The following PPP2R2B variants were observed in gnomAD, a reference collection of about 807,000 sequenced individuals.
The protein encoded by PPP2R2B is protein phosphatase 2 regulatory subunit Bbeta.
Under a neutral mutation model 46.0 loss-of-function variants are expected in PPP2R2B, and 5 were observed. The ratio of observed to expected loss-of-function variants is 0.11; its 90% CI spans 0.06 to 0.23. PPP2R2B has a LOEUF of 0.23. Among genes scored for constraint, PPP2R2B ranks in the 10% least tolerant of loss-of-function variants. The pLI, the probability that PPP2R2B is intolerant of heterozygous loss-of-function variation, is 1.00. For synonymous variants in PPP2R2B, 215 were observed against 206.7 expected (o/e 1.04, Z -0.34); for missense variants, 367 against 575.0 (o/e 0.64, Z 3.70).
upstream of PPP2R2B, chr5:147,056,039 G>T: frequency 1.7e-6 from 2 of 1,192,412 alleles, no homozygotes; most frequent in Non-Finnish European, 1.0e-6. Flanking sequence ...GAGTAAGTCA[G>T]TCCTGCCTGT....
chr5:147,028,583 A>AT (rs909781564), intron 1 of PPP2R2B, among the ~76,000 whole-genome samples: 1 of 152,124 alleles, frequency 6.6e-6, no homozygotes, highest in Admixed American at 6.5e-5. Flanking sequence ...TGGTCATTCT[A>AT]TTTTTTATGG....
intron 2 of PPP2R2B, among the ~76,000 whole-genome samples, chr5:146,863,050 A>G (rs1761102464): frequency 6.6e-6 from 1 of 150,662 alleles, no homozygotes; most frequent in South Asian, 2.1e-4. Flanking sequence ...TTTTTTCCAC[A>G]GTGCACAGAG....
exon 1 of PPP2R2B, chr5:147,055,713 T>G: frequency 6.2e-7 from 1 of 1,613,496 alleles, no homozygotes; most frequent in Non-Finnish European, 8.5e-7. Flanking sequence ...GGTCTGAAGA[T>G]GTAAGGCAGG....
intron 5 of PPP2R2B, among the ~76,000 whole-genome samples, chr5:146,675,727 G>C (rs1777665693): frequency 6.6e-6 from 1 of 152,120 alleles, no homozygotes; most frequent in African/African-American, 2.4e-5. Context: ...ATGGGGCTCA[G>C]TTTTCTTTGC....
At chr5:146,667,338 A>G (rs1040265089) in intron 5 of PPP2R2B, among the ~76,000 whole-genome samples, 1,399 of 82,026 alleles carry the variant, frequency 0.017, 22 homozygotes, top group African/African-American at 0.093. Flanking sequence ...GCGCGCACAC[A>G]CACACACACA....
At chr5:146,674,898 G>A (rs464459) in intron 5 of PPP2R2B, among the ~76,000 whole-genome samples, 115,349 of 152,038 alleles carry the variant, frequency 0.76, 45,189 homozygotes, top group Non-Finnish European at 0.86. Context: ...CAGTGTTGGC[G>A]CTTCTCCAAC....
chr5:147,070,236 A>T (rs1757545932), intron 2 of PPP2R2B, among the ~76,000 whole-genome samples: 1 of 152,160 alleles, frequency 6.6e-6, no homozygotes, highest in Non-Finnish European at 1.5e-5. Context: ...CTGTGTTTTC[A>T]ACACCTACTG....
At chr5:146,946,153 T>C (rs1020850558) in intron 1 of PPP2R2B, among the ~76,000 whole-genome samples, 5 of 152,142 alleles carry the variant, frequency 3.3e-5, no homozygotes, top group African/African-American at 9.7e-5. Context: ...AAGCAACAGC[T>C]TTACACAAAA....
intron 1 of PPP2R2B, among the ~76,000 whole-genome samples, chr5:146,987,193 C>G (rs1448910802): frequency 3.3e-5 from 5 of 152,104 alleles, no homozygotes; most frequent in African/African-American, 1.2e-4. Context: ...TAGACTTTCT[C>G]AGACAAACAA....
intron 1 of PPP2R2B, among the ~76,000 whole-genome samples, chr5:146,895,003 C>A (rs1356972138): frequency 6.6e-6 from 1 of 152,126 alleles, no homozygotes; most frequent in Non-Finnish European, 1.5e-5. Context: ...CTGAATGAAT[C>A]AAATAATGAA....
At chr5:147,015,673 C>T (rs553853837) in intron 1 of PPP2R2B, among the ~76,000 whole-genome samples, 6 of 151,370 alleles carry the variant, frequency 4.0e-5, no homozygotes, top group South Asian at 2.1e-4. Context: ...ACAGTGTGAC[C>T]GTGAGCATGT....
chr5:147,024,916 A>G (rs1755458240), intron 1 of PPP2R2B, among the ~76,000 whole-genome samples: 1 of 152,130 alleles, frequency 6.6e-6, no homozygotes, highest in African/African-American at 2.4e-5. Context: ...ATACGGAAAA[A>G]GAAGAACTGA....
intron 1 of PPP2R2B, among the ~76,000 whole-genome samples, chr5:146,956,479 A>G (rs1751915784): frequency 6.6e-6 from 1 of 152,204 alleles, no homozygotes. Context: ...GGAAAAATAT[A>G]TCCAACTCAG....
intron 2 of PPP2R2B, among the ~76,000 whole-genome samples, chr5:146,869,849 T>A (rs1761512554): frequency 6.6e-6 from 1 of 152,136 alleles, no homozygotes. Context: ...CCAACTTGAG[T>A]GTCTCTAGCC....
At chr5:146,909,780 C>T (rs1763117440) in intron 1 of PPP2R2B, among the ~76,000 whole-genome samples, 1 of 152,066 alleles carries the variant, frequency 6.6e-6, no homozygotes, top group Admixed American at 6.6e-5. Flanking sequence ...ATTTAAGAGT[C>T]CCCAAGCTCT....
At chr5:146,894,436 CTTTATT>C (rs1467635444) in intron 1 of PPP2R2B, among the ~76,000 whole-genome samples, 12 of 152,064 alleles carry the variant, frequency 7.9e-5, no homozygotes, top group East Asian at 1.9e-4. Flanking sequence ...TGCCTCTGGA[CTTTATT>C]TTTATTTTTA....
chr5:146,794,701 C>T (rs186892088), intron 2 of PPP2R2B, among the ~76,000 whole-genome samples: 1 of 152,244 alleles, frequency 6.6e-6, no homozygotes, highest in East Asian at 1.9e-4. Context: ...TCCTTCAATA[C>T]CAAATGCCAT....
intron 2 of PPP2R2B, among the ~76,000 whole-genome samples, chr5:146,869,754 G>C (rs1049528884): frequency 6.6e-6 from 1 of 152,144 alleles, no homozygotes; most frequent in Non-Finnish European, 1.5e-5. Context: ...AAAGAATATA[G>C]TATTATTTGA....
intron 1 of PPP2R2B, among the ~76,000 whole-genome samples, chr5:146,988,397 A>G (rs1753529439): frequency 6.6e-6 from 1 of 152,024 alleles, no homozygotes; most frequent in Non-Finnish European, 1.5e-5. Context: ...AATGTTACAA[A>G]ATTGAAATCA....
Sources: allele counts gnomAD v4.1 joint callset (sites outside exome capture counted in the v4.1 genomes callset), GRCh38; gene constraint gnomAD v4.1.1; transcripts MANE v1.5; gene names NCBI Gene and HGNC (gene_info 2026-07-23, HGNC 2026-07-21).